The following XRCC5 variants were observed in gnomAD, a reference collection of about 807,000 sequenced individuals.
XRCC5 encodes the protein X-ray repair cross complementing 5, also known as DNA repair protein Ku80.
Under a neutral mutation model 95.7 loss-of-function variants are expected in XRCC5, and 12 were observed. That is an observed-to-expected ratio of 0.13 (90% confidence interval 0.08 to 0.20). The LOEUF is 0.20. Ranked by LOEUF, XRCC5 falls within the 10% of genes least tolerant of loss-of-function variation. XRCC5 has a pLI of 1.00. For missense variants in XRCC5, 595 were observed against 873.9 expected (o/e 0.68, Z 4.02); for synonymous variants, 281 against 290.3 (o/e 0.97, Z 0.33).
intron 13 of XRCC5, among the ~76,000 whole-genome samples, chr2:216,147,649 C>A (rs1294847844): frequency 6.6e-6 from 1 of 152,130 alleles, no homozygotes; most frequent in Admixed American, 6.5e-5. Context: ...CCACCTGTTT[C>A]ATCCACCACA....
intron 10 of XRCC5, among the ~76,000 whole-genome samples, chr2:216,136,000 T>G (rs1697068382): frequency 6.6e-6 from 1 of 152,118 alleles, no homozygotes; most frequent in South Asian, 2.1e-4. Flanking sequence ...TAACTGAAGA[T>G]GCCATGTCAG....
intron 13 of XRCC5, among the ~76,000 whole-genome samples, chr2:216,147,442 A>C (rs554490193): frequency 3.3e-5 from 5 of 152,298 alleles, no homozygotes; most frequent in Admixed American, 1.3e-4. Context: ...AGAAGCTGGG[A>C]AACCAGTTAG....
chr2:216,152,250 A>G (rs1275703284), intron 14 of XRCC5, among the ~76,000 whole-genome samples: 1 of 152,178 alleles, frequency 6.6e-6, no homozygotes, highest in Non-Finnish European at 1.5e-5. Flanking sequence ...CAGCCTGGCC[A>G]ACATGGTGAA....
intron 16 of XRCC5, among the ~76,000 whole-genome samples, chr2:216,185,513 C>T (rs1223107915): frequency 6.6e-6 from 1 of 152,170 alleles, no homozygotes; most frequent in African/African-American, 2.4e-5. Flanking sequence ...CTTGCCTAGA[C>T]TTTTATTTGC....
At chr2:216,133,616 A>G (rs923892518) in intron 10 of XRCC5, among the ~76,000 whole-genome samples, 9 of 152,246 alleles carry the variant, frequency 5.9e-5, no homozygotes, top group Admixed American at 2.0e-4. Context: ...TAGGCTTGCT[A>G]GCTAAGGGCA....
At chr2:216,117,621 C>A in intron 3 of XRCC5, 125 bp from the exon 4 acceptor site, 2 of 849,684 alleles carry the variant, frequency 2.4e-6, no homozygotes, top group Non-Finnish European at 3.8e-6. Flanking sequence ...GGCACTCAGG[C>A]AAGTACTTTA....
intron 16 of XRCC5, among the ~76,000 whole-genome samples, chr2:216,182,883 T>A (rs893257239): frequency 5.3e-5 from 8 of 152,178 alleles, no homozygotes; most frequent in African/African-American, 1.9e-4. Context: ...AAACTGAATA[T>A]TTTTAATAAA....
At chr2:216,156,646 C>T (rs1688848276) in intron 14 of XRCC5, 2 of 555,574 alleles carry the variant, frequency 3.6e-6, no homozygotes, top group South Asian at 2.8e-5. Context: ...TATAGTGACC[C>T]CAAATGCAAG....
At chr2:216,170,338 T>C (rs950052114) in intron 16 of XRCC5, among the ~76,000 whole-genome samples, 3 of 152,184 alleles carry the variant, frequency 2.0e-5, no homozygotes, top group Non-Finnish European at 4.4e-5. Context: ...AATTTTTCTC[T>C]TTTTATATTA....
chr2:216,194,552 C>T (rs980593395), intron 18 of XRCC5, among the ~76,000 whole-genome samples: 3 of 152,168 alleles, frequency 2.0e-5, no homozygotes, highest in African/African-American at 4.8e-5. Context: ...ATTTGACATG[C>T]GGCCTTTATT....
At chr2:216,116,385 G>A (rs964952554) in intron 2 of XRCC5, among the ~76,000 whole-genome samples, 2 of 151,754 alleles carry the variant, frequency 1.3e-5, no homozygotes, top group East Asian at 1.9e-4. Flanking sequence ...GTTTGATTTC[G>A]CTGGAAATCA....
intron 10 of XRCC5, among the ~76,000 whole-genome samples, chr2:216,132,746 A>C (rs1697014336): frequency 6.6e-6 from 1 of 152,160 alleles, no homozygotes; most frequent in South Asian, 2.1e-4. Flanking sequence ...TTTGTCATTG[A>C]GGAAATGTGT....
intron 17 of XRCC5, among the ~76,000 whole-genome samples, chr2:216,190,546 T>C (rs1445805699): frequency 6.6e-6 from 1 of 152,170 alleles, no homozygotes; most frequent in Non-Finnish European, 1.5e-5. Context: ...AGGTAGGGTG[T>C]TTTATCCCTG....
chr2:216,145,127 G>A (rs1011694146), intron 13 of XRCC5, among the ~76,000 whole-genome samples: 3 of 152,112 alleles, frequency 2.0e-5, no homozygotes, highest in Non-Finnish European at 4.4e-5. Context: ...GAGTAATGGT[G>A]TGCAAGCCAG....
At chr2:216,109,971 C>G (rs1696557155) in intron 1 of XRCC5, among the ~76,000 whole-genome samples, 1 of 152,278 alleles carries the variant, frequency 6.6e-6, no homozygotes, top group Middle Eastern at 3.4e-3. Context: ...AACGTAGTAT[C>G]CCGCATTTAT....
intron 16 of XRCC5, among the ~76,000 whole-genome samples, chr2:216,170,386 G>T (rs1689138432): frequency 6.6e-6 from 1 of 152,012 alleles, no homozygotes; most frequent in South Asian, 2.1e-4. Context: ...GCTGAAAATG[G>T]AATTCATGAA....
chr2:216,205,404 G>T lies in XRCC5; in HGVS notation c.*202G>T. The T allele has an allele frequency of 1.7e-6, 1 of 581,274 alleles. No individual in the cohort carries two copies. Among genetic ancestry groups the T allele is most frequent in the Non-Finnish European group, 3.1e-6 (1 of 327,402 alleles). The allele number at this position is 581,274 out of a possible 1,614,324, so 36.0% of individuals were successfully genotyped here. On this transcript the variant is annotated 3_prime_UTR_variant, in exon 21 of 21. Coordinates refer to ENST00000392132, the MANE Select transcript of XRCC5 (RefSeq NM_021141.4). The stretch of plus-strand genomic sequence containing the variant: ...AAGGGATAATTTAGACCCCATACAA[G>T]TTTATAAAGAGTCATTGTTATTTTC...
chr2:216,173,029 T>A (rs1689200106), intron 16 of XRCC5, among the ~76,000 whole-genome samples: 1 of 152,162 alleles, frequency 6.6e-6, no homozygotes, highest in Non-Finnish European at 1.5e-5. Flanking sequence ...TTAATTTTAT[T>A]TTTGGATTAT....
intron 20 of XRCC5, 36 bp from the exon 21 acceptor site, chr2:216,205,152 C>T (rs1394144646): frequency 6.2e-7 from 1 of 1,613,610 alleles, no homozygotes; most frequent in Non-Finnish European, 8.5e-7. Flanking sequence ...TGAAATTGGC[C>T]TGATTCCTTT....
Sources: allele counts gnomAD v4.1 joint callset (sites outside exome capture counted in the v4.1 genomes callset), GRCh38; gene constraint gnomAD v4.1.1; transcripts MANE v1.5; gene names NCBI Gene and HGNC (gene_info 2026-07-23, HGNC 2026-07-21).